Variants in GRIN2D observed in about 807,000 individuals in gnomAD.
GRIN2D encodes the protein glutamate receptor ionotropic, NMDA 2D.
Under a neutral mutation model 103.2 loss-of-function variants are expected in GRIN2D, and 37 were observed. The ratio of observed to expected loss-of-function variants is 0.36; its 90% CI spans 0.28 to 0.47. The LOEUF is 0.47. Among genes scored for constraint, GRIN2D ranks in the 20% least tolerant of loss-of-function variants. GRIN2D has a pLI of 1.00. For synonymous variants in GRIN2D, 845 were observed against 885.6 expected (o/e 0.95, Z 0.81); for missense variants, 1,557 against 1,910.6 (o/e 0.81, Z 3.45).
intron 7 of GRIN2D, 49 bp downstream of exon 7, chr19:48,415,081 G>A (rs1404244189): frequency 6.7e-7 from 1 of 1,502,146 alleles, no homozygotes; most frequent in African/African-American, 1.4e-5. Flanking sequence ...GAGTCGAGAG[G>A]CGGGCACAGC....
rs560837054 is a variant in GRIN2D at position 48,421,578 on chromosome 19, C to G, written c.2092-207C>G. Among the ~76,000 whole-genome samples the G allele has an allele frequency of 9.9e-5, 15 of 152,274 alleles. No homozygotes were observed. Among genetic ancestry groups the G allele is most frequent in the African/African-American group, 3.6e-4 (15 of 41,562 alleles). Reference sequence around the variant, plus strand: ...CATCAGGGGCCTCAGGGAGGCTTCTCGTGAACTTTTGGATCACGTGTCTGC... The same window carrying G: ...CATCAGGGGCCTCAGGGAGGCTTCTGGTGAACTTTTGGATCACGTGTCTGC... On this transcript the variant is annotated intron_variant, in intron 10 of 13. Coordinates refer to ENST00000263269, the MANE Select transcript of GRIN2D (RefSeq NM_000836.4). This position sits in a 1 kb window ranked among gnomAD's most constrained non-coding sequence, Gnocchi z 4.8.
rs1445511501 is a variant in GRIN2D, at chr19:48,443,106, G to T, written c.3180G>T (p.Arg1060=). 1.9e-5 allele frequency: 19 copies of T among 1,021,306 alleles called. No homozygotes were observed. The East Asian group carries it at 4.0e-4, about 21-fold the overall frequency. 63.3% of individuals were successfully genotyped at this position (1,021,306 alleles called of 1,614,324 possible). A position where few individuals can be genotyped will look rare whatever the true frequency, so the allele number is the denominator to read the frequency against. The change falls in exon 14 of 14, where the codon CGG becomes CGT. Residue 1060 remains arginine, a synonymous_variant. Coordinates refer to ENST00000263269, the MANE Select transcript of GRIN2D (RefSeq NM_000836.4). This position sits in a 1 kb window ranked among gnomAD's most constrained non-coding sequence, Gnocchi z 8.9. ...FEDESPPAPA[R]WPRSDPESQP... Reference sequence around the variant, plus strand: ...ACGAGAGCCCGCCGGCGCCCGCGCGGTGGCCGCGCTCGGACCCCGAGAGCC... The same window carrying T: ...ACGAGAGCCCGCCGGCGCCCGCGCGTTGGCCGCGCTCGGACCCCGAGAGCC...
Position 48,405,165 on chromosome 19 carries a change from C to G in GRIN2D, c.897C>G (p.Pro299=), listed in dbSNP as rs756276428. The change falls in exon 4 of 14, where the codon CCC becomes CCG. Residue 299 remains proline, a synonymous_variant. Transcript: ENST00000263269. The surrounding 1 kb of genome is among the most constrained non-coding windows in gnomAD (Gnocchi z 5.1). The part of the protein sequence containing the change: ...GEPPLLPGGA[P]LPAGLFAVRS... ...CCCCTCTTCTGCCAGGAGGCGCCCC[C>G]CTGCCTGCCGGGCTGTTTGCAGTGC... is the stretch of plus-strand genomic sequence containing the variant. The G allele has an allele frequency of 3.2e-5, 50 of 1,585,396 alleles. No individual in the cohort carries two copies. Among genetic ancestry groups the G allele is most frequent in the Non-Finnish European group, 3.3e-5 (38 of 1,167,904 alleles).
chr19:48,412,336 A>T (rs963748943), intron 4 of GRIN2D, among the ~76,000 whole-genome samples: 6 of 150,828 alleles, frequency 4.0e-5, no homozygotes, highest in African/African-American at 9.8e-5. Flanking sequence ...CTCAAAAATA[A>T]ATAAATAAAT....
At chr19:48,426,224 C>CTTTCTTTCTTTTTTT (rs1555893889) in intron 11 of GRIN2D, among the ~76,000 whole-genome samples, 2 of 120,116 alleles carry the variant, frequency 1.7e-5, no homozygotes, top group African/African-American at 7.2e-5. Context: ...TTCTTTCTTT[C>CTTTCTTTCTTTTTTT]TTTTTTTTTT....
At chr19:48,395,111 T>C (rs1970622179) in intron 2 of GRIN2D, among the ~76,000 whole-genome samples, 175 bp downstream of exon 2, 1 of 151,000 alleles carries the variant, frequency 6.6e-6, no homozygotes, top group South Asian at 2.1e-4. Flanking sequence ...CCTCTCTCTC[T>C]CCCTCTCTGA....
chr19:48,416,083 C>A lies in GRIN2D; in HGVS notation c.1663C>A (p.Pro555Thr). Reference protein sequence around the residue: ...ERSEIVDFSVPFVETGISVMV... With the variant: ...ERSEIVDFSVTFVETGISVMV... Reference sequence around the variant, plus strand: ...CTCCGAGATCGTGGACTTCTCCGTCCCCTTCGTGGAGACCGGCATCAGCGT... The same window carrying A: ...CTCCGAGATCGTGGACTTCTCCGTCACCTTCGTGGAGACCGGCATCAGCGT... The change falls in exon 8 of 14, where the codon CCC (proline) becomes ACC (threonine). Residue 555 changes from proline to threonine, a missense_variant. Coordinates refer to ENST00000263269, the MANE Select transcript of GRIN2D (RefSeq NM_000836.4). The A allele has an allele frequency of 6.2e-7, 1 of 1,613,918 alleles. No homozygotes were observed. The highest frequency in any genetic ancestry group is 8.5e-7 in the Non-Finnish European group (1 of 1,179,830).
chr19:48,399,196 C>T (rs1420887775), intron 3 of GRIN2D, among the ~76,000 whole-genome samples: 1 of 151,952 alleles, frequency 6.6e-6, no homozygotes, highest in African/African-American at 2.4e-5. Context: ...GGGCTGGGAA[C>T]GAAAAGGGAC....
intron 2 of GRIN2D, among the ~76,000 whole-genome samples, chr19:48,396,802 G>GAGGCCTGCGCTAC (rs1408117885): frequency 6.6e-6 from 1 of 151,980 alleles, no homozygotes; most frequent in Non-Finnish European, 1.5e-5. Flanking sequence ...TGGGGTGGAC[G>GAGGCCTGCGCTAC]AGGCCTGCGC....
At chr19:48,436,353 C>T (rs934577028) in intron 11 of GRIN2D, among the ~76,000 whole-genome samples, 1 of 151,998 alleles carries the variant, frequency 6.6e-6, no homozygotes, top group Non-Finnish European at 1.5e-5. Flanking sequence ...ACTGGCTGAG[C>T]CAGATTACCA....
In GRIN2D at chr19:48,419,831, GGCTGGGCTGGA is replaced by G. The variant is rs759457069; in HGVS notation, c.2091+24_2091+34del. 3 of 1,581,856 alleles carry G rather than the reference GGCTGGGCTGGA, an allele frequency of 1.9e-6. No individual in the cohort carries two copies. Among genetic ancestry groups the G allele is most frequent in the Non-Finnish European group, 2.6e-6 (3 of 1,152,604 alleles). On this transcript the variant is annotated intron_variant, in intron 10 of 13. Coordinates refer to ENST00000263269, the MANE Select transcript of GRIN2D (RefSeq NM_000836.4). ...GACCGCAAGGTGTGTGTGGGCCCAGGGCTGGGCTGGAGCTGGGGCTGGGGCTGGAGGTCACA... is the reference window on the plus strand; with the variant it reads ...GACCGCAAGGTGTGTGTGGGCCCAGGGCTGGGGCTGGGGCTGGAGGTCACA...
chr19:48,431,913 C>T (rs958946424), intron 11 of GRIN2D, among the ~76,000 whole-genome samples: 3 of 147,692 alleles, frequency 2.0e-5, no homozygotes, highest in Admixed American at 6.9e-5. Context: ...TTTATCTTTT[C>T]TTTATTTTTT....
chr19:48,432,201 C>T (rs1246975514), intron 11 of GRIN2D, among the ~76,000 whole-genome samples: 2 of 151,636 alleles, frequency 1.3e-5, no homozygotes, highest in Non-Finnish European at 2.9e-5. Context: ...TGAGCCACCG[C>T]ACCCGGCCTT....
Position 48,402,110 on chromosome 19 carries a change from GAGAAGGAAAGAA to G in GRIN2D, c.466-2619_466-2608del, listed in dbSNP as rs1300138544. Among the ~76,000 whole-genome samples the G allele has an allele frequency of 2.7e-5, 3 of 109,246 alleles. No individual in the cohort carries two copies. In the South Asian group the frequency reaches 8.6e-4, roughly 31 times the overall value. 71.7% of individuals were successfully genotyped at this position (109,246 alleles called of 152,430 possible). ...GCGAAACTTGAAAGAAAGAGAGAAA[GAGAAGGAAAGAA>G]AGAAAGAAAGAAAGAAAGAAAGAAA... is the stretch of plus-strand genomic sequence containing the variant. On this transcript the variant is annotated intron_variant, in intron 3 of 13. Transcript: ENST00000263269.
chr19:48,426,931 G>T (rs1329525564), intron 11 of GRIN2D, among the ~76,000 whole-genome samples: 7 of 152,084 alleles, frequency 4.6e-5, no homozygotes, highest in Non-Finnish European at 7.3e-5. Flanking sequence ...AGTGTTTGGG[G>T]GACATACACA....
intron 2 of GRIN2D, among the ~76,000 whole-genome samples, chr19:48,395,536 C>CACACACT (rs1461779337): frequency 2.6e-5 from 4 of 151,964 alleles, no homozygotes; most frequent in African/African-American, 7.3e-5. Context: ...AAACGGGATG[C>CACACACT]CGTCTGCAGC....
intron 11 of GRIN2D, among the ~76,000 whole-genome samples, chr19:48,433,133 C>T (rs1441445054): frequency 6.9e-6 from 1 of 145,958 alleles, no homozygotes; most frequent in Admixed American, 6.8e-5. Flanking sequence ...TTTGGGAGGA[C>T]GAGAAGGGCG....
rs1971029416 is a variant in GRIN2D, at chr19:48,421,909, C to G, written c.2216C>G (p.Pro739Arg). Residue 739 changes from proline to arginine, a missense_variant, in exon 11 of 14, where the codon CCC (proline) becomes CGC (arginine). Physicochemically the swap from Pro to Arg is moderately radical, Grantham distance 103. Around this residue, in one of 7 missense-constraint regions of GRIN2D, gnomAD observed 138 missense variants for 270.2 expected, o/e 0.51. Transcript: ENST00000263269. This position sits in a 1 kb window ranked among gnomAD's most constrained non-coding sequence, Gnocchi z 4.8. ...MHSYMVRYNQPRVEEALTQLK... is the reference protein window; with the variant it reads ...MHSYMVRYNQRRVEEALTQLK... ...AGCTACATGGTGCGCTACAACCAGC[C>G]CCGCGTAGAGGAAGCGCTCACTCAG... is the stretch of plus-strand genomic sequence containing the variant. The G allele has an allele frequency of 1.2e-6, 2 of 1,614,140 alleles. No homozygotes were observed. The highest frequency in any genetic ancestry group is 1.7e-5 in the Admixed American group (1 of 60,014).
intron 11 of GRIN2D, among the ~76,000 whole-genome samples, chr19:48,427,132 C>T (rs1971095967): frequency 1.3e-5 from 2 of 151,832 alleles, no homozygotes; most frequent in Non-Finnish European, 2.9e-5. Flanking sequence ...CCAGCCTGGC[C>T]AACATGGCGA....
Sources: allele counts gnomAD v4.1 joint callset (sites outside exome capture counted in the v4.1 genomes callset), GRCh38; gene constraint gnomAD v4.1.1; regional missense constraint gnomAD v4.1.1; non-coding constraint Gnocchi (gnomAD v3.1); transcripts MANE v1.5; gene names NCBI Gene and HGNC (gene_info 2026-07-23, HGNC 2026-07-21).